Variants in SNX29 observed in about 807,000 individuals in gnomAD.
SNX29 encodes sorting nexin-29.
SNX29 carries 78 observed loss-of-function variants against 102.1 expected under a neutral mutation model. The ratio of observed to expected loss-of-function variants is 0.76; its 90% CI spans 0.64 to 0.92. The LOEUF is 0.92. Ranked by LOEUF, SNX29 falls within the 40% of genes least tolerant of loss-of-function variation. The pLI is 0.00. For missense variants in SNX29, 1,280 were observed against 1,061.7 expected (o/e 1.21, Z -2.86); for synonymous variants, 580 against 414.5 (o/e 1.40, Z -4.85).
At chr16:12,375,014 C>G (rs537147682) in intron 16 of SNX29, 1 of 152,158 alleles carries the variant, frequency 6.6e-6, no homozygotes, top group Non-Finnish European at 1.5e-5. Flanking sequence ...CCCAGGAGCT[C>G]CAGACTAGCC....
chr16:12,458,314 G>A (rs1208154788), intron 18 of SNX29, among the ~76,000 whole-genome samples: 1 of 152,064 alleles, frequency 6.6e-6, no homozygotes, highest in Non-Finnish European at 1.5e-5. Context: ...TTCGGCGGGG[G>A]ACAGGTCTCC....
chr16:12,310,163 G>A (rs2032326982), intron 15 of SNX29, among the ~76,000 whole-genome samples: 1 of 152,164 alleles, frequency 6.6e-6, no homozygotes, highest in Non-Finnish European at 1.5e-5. Flanking sequence ...GACATATGGT[G>A]TTTACCGCTG....
intron 20 of SNX29, among the ~76,000 whole-genome samples, chr16:12,537,853 C>G (rs1344264758): frequency 1.3e-5 from 2 of 152,090 alleles, no homozygotes; most frequent in Admixed American, 6.6e-5. Context: ...GGCATGGTGG[C>G]TCACGCTTAT....
rs766739102 is a variant in SNX29 at position 12,096,110 on chromosome 16, A to T, written c.1402+17195A>T. On this transcript the variant is annotated intron_variant, in intron 11 of 20. Coordinates refer to ENST00000566228, the MANE Select transcript of SNX29 (RefSeq NM_032167.5). This position sits in a 1 kb window ranked among gnomAD's most constrained non-coding sequence, Gnocchi z 4.2. ...GGGCAGTGGCCGTTAAATCGGCTGC[A>T]GTCTGAGCCCCCTGCCCCTTAACTG... 6.6e-6 allele frequency among the ~76,000 whole-genome samples: 1 copy of T among 152,252 alleles called. No individual in the cohort carries two copies. The highest frequency in any genetic ancestry group is 1.5e-5 in the Non-Finnish European group (1 of 68,048).
intron 13 of SNX29, among the ~76,000 whole-genome samples, chr16:12,153,678 A>G (rs2055403673): frequency 6.8e-6 from 1 of 146,856 alleles, no homozygotes; most frequent in South Asian, 2.2e-4. Context: ...GGGTTTCAGG[A>G]TGTTGCTCAG....
At chr16:12,273,975 C>T (rs1596715266) in intron 14 of SNX29, among the ~76,000 whole-genome samples, 1 of 152,206 alleles carries the variant, frequency 6.6e-6, no homozygotes, top group Admixed American at 6.5e-5. Flanking sequence ...ATCTTGTTCA[C>T]TTACCAGGTG....
intron 15 of SNX29, among the ~76,000 whole-genome samples, chr16:12,290,032 G>C: frequency 6.6e-6 from 1 of 152,150 alleles, no homozygotes; most frequent in Non-Finnish European, 1.5e-5. Context: ...GCTGAGACAG[G>C]GCGGAGGGAG....
At chr16:12,371,123 A>G (rs529795038) in intron 16 of SNX29, among the ~76,000 whole-genome samples, 2 of 152,228 alleles carry the variant, frequency 1.3e-5, no homozygotes, top group Non-Finnish European at 2.9e-5. Flanking sequence ...GGCCTTGTCC[A>G]TCTCAAAGCG....
intron 20 of SNX29, among the ~76,000 whole-genome samples, chr16:12,563,788 G>T (rs1182268608): frequency 2.0e-5 from 3 of 149,684 alleles, no homozygotes; most frequent in African/African-American, 4.8e-5. Flanking sequence ...CCTGTCTGAA[G>T]ACTGCAACAC....
chr16:12,543,904 G>C (rs1188328935), intron 20 of SNX29, among the ~76,000 whole-genome samples: 1 of 152,164 alleles, frequency 6.6e-6, no homozygotes, highest in Non-Finnish European at 1.5e-5. Flanking sequence ...CCTTCATCCT[G>C]GATTGCCGAA....
At chr16:11,994,566 GGGTAAA>G (rs1427342933) in intron 1 of SNX29, among the ~76,000 whole-genome samples, 10 of 152,190 alleles carry the variant, frequency 6.6e-5, no homozygotes, top group African/African-American at 2.4e-4. Context: ...GTCTAGCCCT[GGGTAAA>G]GGTCTTTTCC....
intron 4 of SNX29, among the ~76,000 whole-genome samples, chr16:12,037,114 G>A (rs989530079): frequency 6.6e-6 from 1 of 152,080 alleles, no homozygotes; most frequent in Non-Finnish European, 1.5e-5. Context: ...CTTCTAGAAC[G>A]GGGTCGGCAC....
intron 16 of SNX29, among the ~76,000 whole-genome samples, chr16:12,395,677 C>T (rs1487954414): frequency 1.3e-5 from 2 of 152,082 alleles, no homozygotes; most frequent in African/African-American, 4.8e-5. Flanking sequence ...AATCTGCATC[C>T]CAGGGATGTG....
At chr16:12,198,038 C>T (rs1230695047) in intron 13 of SNX29, among the ~76,000 whole-genome samples, 3 of 152,000 alleles carry the variant, frequency 2.0e-5, no homozygotes, top group South Asian at 4.2e-4. Flanking sequence ...TATTTCCATC[C>T]GTAAATAGAC....
intron 10 of SNX29, among the ~76,000 whole-genome samples, chr16:12,074,115 CTT>C (rs1468459304): frequency 1.3e-5 from 2 of 151,258 alleles, no homozygotes; most frequent in South Asian, 2.1e-4. Flanking sequence ...GGTCTTGACT[CTT>C]TATCCAATTT....
chr16:12,103,157 C>T (rs982523755), intron 11 of SNX29, among the ~76,000 whole-genome samples: 5 of 152,146 alleles, frequency 3.3e-5, no homozygotes, highest in African/African-American at 1.2e-4. Flanking sequence ...CAATGCTATT[C>T]CCATCAAGCT....
At chr16:12,567,163 T>A (rs1258818932) in intron 20 of SNX29, among the ~76,000 whole-genome samples, 2 of 152,110 alleles carry the variant, frequency 1.3e-5, no homozygotes, top group African/African-American at 4.8e-5. Context: ...CAGCTGGGGG[T>A]GGATGTTCCT....
At chr16:12,504,748 C>G (rs2089296136) in intron 19 of SNX29, among the ~76,000 whole-genome samples, 1 of 152,120 alleles carries the variant, frequency 6.6e-6, no homozygotes, top group Non-Finnish European at 1.5e-5. Context: ...AGAAGTTAGA[C>G]TTTGTCATAA....
chr16:12,117,062 A>G (rs113161561), intron 11 of SNX29, among the ~76,000 whole-genome samples: 6,312 of 108,534 alleles, frequency 0.058, 365 homozygotes, highest in Middle Eastern at 0.1. Flanking sequence ...ACGTGCTTCA[A>G]TGCGGACGAA....
Sources: allele counts gnomAD v4.1 joint callset (sites outside exome capture counted in the v4.1 genomes callset), GRCh38; gene constraint gnomAD v4.1.1; non-coding constraint Gnocchi (gnomAD v3.1); transcripts MANE v1.5; gene names NCBI Gene and HGNC (gene_info 2026-07-23, HGNC 2026-07-21).